Variants in ZC2HC1B observed in about 807,000 individuals in gnomAD.
ZC2HC1B encodes the protein zinc finger C2HC-type containing 1B.
A neutral mutation model predicts 31.0 loss-of-function variants in ZC2HC1B; 36 were observed. The observed-to-expected ratio is 1.16, with a 90% CI of 0.89 to 1.54. ZC2HC1B has a LOEUF of 1.54. ZC2HC1B is among the 40% of genes most tolerant of loss of function. The pLI is 0.00. For synonymous variants in ZC2HC1B, 73 were observed against 88.0 expected (o/e 0.83, Z 0.95); for missense variants, 260 against 268.6 (o/e 0.97, Z 0.22).
At chr6:143,914,857 C>G (rs1474046713) in intron 6 of ZC2HC1B, among the ~76,000 whole-genome samples, 2 of 152,050 alleles carry the variant, frequency 1.3e-5, no homozygotes, top group Admixed American at 1.3e-4. Context: ...CATGCTATAT[C>G]TTTTTCCATC....
At position 143,937,649 on chromosome 6, in the gene ZC2HC1B, G is replaced by T; in HGVS notation, c.599G>T (p.Gly200Val). ...AACAAATCTGTTTATGTTTGCAAAGGATTAGCTATGGACCCTGCTTCTGGA... is the reference window on the plus strand; with the variant it reads ...AACAAATCTGTTTATGTTTGCAAAGTATTAGCTATGGACCCTGCTTCTGGA... ...VATNEVPTKS[G>V]LAMDPASGAK... Residue 200 changes from glycine to valine, a missense_variant and splice_region_variant, in exon 7 of 8, where the codon GGA becomes GTA. Transcript: ENST00000237275. 1 of 1,547,242 alleles carries T rather than the reference G, an allele frequency of 6.5e-7. No individual in the cohort carries two copies. Among genetic ancestry groups the T allele is most frequent in the Non-Finnish European group, 8.7e-7 (1 of 1,145,606 alleles).
chr6:143,866,112 G>A (rs537391641), intron 1 of ZC2HC1B, among the ~76,000 whole-genome samples: 9 of 152,284 alleles, frequency 5.9e-5, no homozygotes, highest in African/African-American at 1.4e-4. Context: ...GCCAACACCC[G>A]GCCCACCTAT....
intron 7 of ZC2HC1B, 83 bp downstream of exon 7, chr6:143,937,816 T>G (rs190521627): frequency 9.9e-7 from 1 of 1,006,290 alleles, no homozygotes; most frequent in East Asian, 2.7e-5. Context: ...GTAAGCAAAC[T>G]GAAGAGACAT....
At chr6:143,880,492 A>G (rs927956595) in intron 1 of ZC2HC1B, among the ~76,000 whole-genome samples, 13 of 152,208 alleles carry the variant, frequency 8.5e-5, no homozygotes, top group Non-Finnish European at 1.5e-4. Context: ...AGTCTTTATT[A>G]GTAAATATGT....
At position 143,872,508 on chromosome 6, in the gene ZC2HC1B, G is replaced by A. The variant is rs1777352383; in HGVS notation, c.28+7941G>A. ...CTGCCACTTGGCCCCTGCCACCTCGGGATCCAAATATTCCCACTATATTTA... is the reference window on the plus strand; with the variant it reads ...CTGCCACTTGGCCCCTGCCACCTCGAGATCCAAATATTCCCACTATATTTA... On this transcript the variant is annotated intron_variant, in intron 1 of 7. Transcript: ENST00000237275. The surrounding 1 kb of genome is among the most constrained non-coding windows in gnomAD (Gnocchi z 5.5). Among the ~76,000 whole-genome samples, 1 of 151,924 alleles carries A rather than the reference G, an allele frequency of 6.6e-6. No homozygotes were observed. Among genetic ancestry groups the A allele is most frequent in the Non-Finnish European group, 1.5e-5 (1 of 67,968 alleles).
At chr6:143,875,853 A>G (rs185600106) in intron 1 of ZC2HC1B, among the ~76,000 whole-genome samples, 1 of 150,636 alleles carries the variant, frequency 6.6e-6, no homozygotes, top group African/African-American at 2.5e-5. Flanking sequence ...AAAGGTGGAA[A>G]GGCTGACAGC....
Position 143,911,979 on chromosome 6 carries a change from C to G in ZC2HC1B, c.598+8827C>G, listed in dbSNP as rs1217149618. Among the ~76,000 whole-genome samples the G allele has an allele frequency of 6.6e-6, 1 of 151,586 alleles. No homozygotes were observed. The highest frequency in any genetic ancestry group is 1.5e-5 in the Non-Finnish European group (1 of 67,900). On this transcript the variant is annotated intron_variant, in intron 6 of 7. Transcript: ENST00000237275. The surrounding 1 kb of genome is among the most constrained non-coding windows in gnomAD (Gnocchi z 4.5). Reference sequence around the variant, plus strand: ...TTGTTCTTTTTTTTCATTCTTTTTTCTCTATTTTTGTCAGCCTGTCTTATT... The same window carrying G: ...TTGTTCTTTTTTTTCATTCTTTTTTGTCTATTTTTGTCAGCCTGTCTTATT...
chr6:143,929,099 T>G (rs984936629), intron 6 of ZC2HC1B, among the ~76,000 whole-genome samples: 1 of 152,208 alleles, frequency 6.6e-6, no homozygotes, highest in Non-Finnish European at 1.5e-5. Context: ...CTTGCCTGAT[T>G]GCTCTGGCTA....
At chr6:143,937,606 G>GT in intron 6 of ZC2HC1B, 43 bp from the exon 7 acceptor site, 1 of 1,465,996 alleles carries the variant, frequency 6.8e-7, no homozygotes, top group Non-Finnish European at 9.1e-7. Flanking sequence ...TCTTGGTAAT[G>GT]TTCTGCTTTG....
In ZC2HC1B at chr6:143,896,618, G is replaced by T. The variant is rs187886414; in HGVS notation, c.350-1934G>T. Among the ~76,000 whole-genome samples, 67 of 152,232 alleles carry T rather than the reference G, an allele frequency of 4.4e-4. 1 individual carries two copies. Among genetic ancestry groups the T allele is most frequent in the African/African-American group, 1.6e-3 (66 of 41,536 alleles). ...CTAGCATTTACAAAACATTTAGTATGTTCCACCCCGCCCACTGTGCCAGGC... is the reference window on the plus strand; with the variant it reads ...CTAGCATTTACAAAACATTTAGTATTTTCCACCCCGCCCACTGTGCCAGGC... On this transcript the variant is annotated intron_variant, in intron 4 of 7. Coordinates refer to ENST00000237275, the MANE Select transcript of ZC2HC1B (RefSeq NM_001013623.3).
Position 143,864,492 on chromosome 6 carries a change from C to T in ZC2HC1B, c.-48C>T. ...CTTGACTAGTATGATGTTATCTGGA[C>T]TGGGCTGTAAAAATCTGTGAACACT... On this transcript the variant is annotated 5_prime_UTR_variant, in exon 1 of 8. Transcript: ENST00000237275. The T allele has an allele frequency of 1.3e-6, 2 of 1,548,714 alleles. No individual in the cohort carries two copies. Among genetic ancestry groups the T allele is most frequent in the Non-Finnish European group, 1.7e-6 (2 of 1,144,496 alleles).
chr6:143,885,964 G>A lies in ZC2HC1B; in HGVS notation c.91-68G>A. The stretch of plus-strand genomic sequence containing the variant: ...TAGTCCCTGGAGTGGGGGCTGTCTA[G>A]GTACACCTAGGCATTAAAAACTGAT... On this transcript the variant is annotated intron_variant, in intron 2 of 7. Coordinates refer to ENST00000237275, the MANE Select transcript of ZC2HC1B (RefSeq NM_001013623.3). This position sits in a 1 kb window ranked among gnomAD's most constrained non-coding sequence, Gnocchi z 4.2. The A allele has an allele frequency of 7.0e-7, 1 of 1,436,884 alleles. No individual in the cohort carries two copies. The highest frequency in any genetic ancestry group is 9.1e-7 in the Non-Finnish European group (1 of 1,094,646). The allele number at this position is 1,436,884 out of a possible 1,614,324, so 89.0% of individuals were successfully genotyped here.
chr6:143,901,921 G>T (rs1449111496), intron 5 of ZC2HC1B, among the ~76,000 whole-genome samples: 10 of 152,226 alleles, frequency 6.6e-5, no homozygotes, highest in Admixed American at 6.5e-4. Flanking sequence ...CATTTCTGCA[G>T]ATGGTTCTTC....
At chr6:143,909,424 A>G (rs1223248226) in intron 6 of ZC2HC1B, among the ~76,000 whole-genome samples, 1 of 152,028 alleles carries the variant, frequency 6.6e-6, no homozygotes, top group Non-Finnish European at 1.5e-5. Flanking sequence ...AAGTTAGGGA[A>G]GATTCCCCCT....
intron 4 of ZC2HC1B, among the ~76,000 whole-genome samples, chr6:143,889,713 A>T (rs1777574611): frequency 6.6e-6 from 1 of 152,140 alleles, no homozygotes; most frequent in Non-Finnish European, 1.5e-5. Flanking sequence ...TCACAATTAT[A>T]TTTGGAGATT....
At chr6:143,937,550 AGAAACTTTT>A in intron 6 of ZC2HC1B, 90 bp from the exon 7 acceptor site, 1 of 1,057,328 alleles carries the variant, frequency 9.5e-7, no homozygotes, top group South Asian at 1.8e-5. Flanking sequence ...AAGGAAGAAT[AGAAACTTTT>A]GAACCCATGT....
At position 143,885,753 on chromosome 6, in the gene ZC2HC1B, C is replaced by T. The variant is rs1276158207; in HGVS notation, c.91-279C>T. On this transcript the variant is annotated intron_variant, in intron 2 of 7. Transcript: ENST00000237275. The surrounding 1 kb of genome is among the most constrained non-coding windows in gnomAD (Gnocchi z 4.2). The stretch of plus-strand genomic sequence containing the variant: ...AAGGACTACTGATTGGAGTAAAGAA[C>T]ATACTGCCCACATTTGAGTTAAATA... Among the ~76,000 whole-genome samples the T allele has an allele frequency of 6.6e-6, 1 of 152,202 alleles. No individual in the cohort carries two copies. Among genetic ancestry groups the T allele is most frequent in the Admixed American group, 6.5e-5 (1 of 15,286 alleles).
chr6:143,882,335 TATATATATATA>T (rs933564205), intron 1 of ZC2HC1B, among the ~76,000 whole-genome samples: 13 of 48,214 alleles, frequency 2.7e-4, no homozygotes, highest in Middle Eastern at 0.011. Context: ...TTATATTTTT[TATATATATATA>T]TATATATATA....
chr6:143,925,289 C>T (rs187879849), intron 6 of ZC2HC1B, among the ~76,000 whole-genome samples: 14 of 149,402 alleles, frequency 9.4e-5, no homozygotes, highest in Admixed American at 2.0e-4. Context: ...CATTCTCCTG[C>T]GTCAGCCTCC....
Sources: allele counts gnomAD v4.1 joint callset (sites outside exome capture counted in the v4.1 genomes callset), GRCh38; gene constraint gnomAD v4.1.1; non-coding constraint Gnocchi (gnomAD v3.1); transcripts MANE v1.5; gene names NCBI Gene and HGNC (gene_info 2026-07-23, HGNC 2026-07-21).